Variants in RP1 observed in about 807,000 individuals in gnomAD.
RP1 encodes the protein RP1 axonemal microtubule associated.
Under a neutral mutation model 14.8 loss-of-function variants are expected in RP1, and 16 were observed. The ratio of observed to expected loss-of-function variants is 1.08; its 90% confidence interval spans 0.73 to 1.65. RP1 has a LOEUF of 1.65. Among genes scored for constraint, RP1 ranks in the 40% most tolerant of loss-of-function variants. The pLI, the probability that RP1 is intolerant of heterozygous loss-of-function variation, is 0.00. For missense variants in RP1, 2,631 were observed against 2,535.0 expected (o/e 1.04, Z -0.81); for synonymous variants, 876 against 883.6 (o/e 0.99, Z 0.15).
intron 17 of RP1, among the ~76,000 whole-genome samples, chr8:54,734,383 G>A (rs1039230016): frequency 6.6e-6 from 1 of 152,144 alleles, no homozygotes; most frequent in African/African-American, 2.4e-5. Context: ...GCTGTGAGGA[G>A]ACAAGCGCAA....
At chr8:54,776,607 C>G (rs912147629) in intron 23 of RP1, among the ~76,000 whole-genome samples, 1 of 152,158 alleles carries the variant, frequency 6.6e-6, no homozygotes, top group Non-Finnish European at 1.5e-5. Context: ...GTCAAGTTTT[C>G]CATATAAGCC....
At chr8:54,739,626 C>G (rs886570434) in intron 19 of RP1, among the ~76,000 whole-genome samples, 1 of 150,800 alleles carries the variant, frequency 6.6e-6, no homozygotes, top group Admixed American at 6.6e-5. Context: ...CTCGGTGGTG[C>G]ATTTTTTTTT....
chr8:54,816,841 AC>A (rs1388817183), intron 24 of RP1, among the ~76,000 whole-genome samples: 9 of 152,084 alleles, frequency 5.9e-5, no homozygotes, highest in Non-Finnish European at 1.0e-4. Flanking sequence ...CCAGGTCCCA[AC>A]AGCCCAGGGA....
At chr8:54,724,956 A>G (rs910423676) in intron 16 of RP1, among the ~76,000 whole-genome samples, 1 of 152,130 alleles carries the variant, frequency 6.6e-6, no homozygotes, top group Non-Finnish European at 1.5e-5. Flanking sequence ...GCTTGTTTCT[A>G]ATGGACTGGC....
At chr8:54,797,873 CTTTTTTTTTT>C (rs71254593) in intron 24 of RP1, among the ~76,000 whole-genome samples, 20 of 112,246 alleles carry the variant, frequency 1.8e-4, no homozygotes, top group East Asian at 7.6e-4. Context: ...GTTTCCCAAC[CTTTTTTTTTT>C]TTTTTTTTTT....
In RP1 at chr8:54,629,520, C is replaced by T. The variant is rs200764671; in HGVS notation, c.5638C>T (p.Pro1880Ser). The change falls in exon 4 of 4, where the codon CCT becomes TCT. Residue 1880 changes from proline to serine, a missense_variant. Physicochemically the swap from Pro to Ser is moderately conservative, Grantham distance 74 (BLOSUM62 -1). Coordinates refer to ENST00000220676, the MANE Select transcript of RP1 (RefSeq NM_006269.2). ...SFISAGNKVY[P>S]VSDDAIKNQP... ...TATTTCTGCTGGTAACAAAGTCTAC[C>T]CTGTCTCTGATGATGCTATTAAAAA... 6.2e-7 allele frequency: 1 copy of T among 1,613,992 alleles called. No individual in the cohort carries two copies. The highest frequency in any genetic ancestry group is 1.1e-5 in the South Asian group (1 of 91,076).
chr8:54,810,205 A>G (rs979183674), intron 24 of RP1, among the ~76,000 whole-genome samples: 1 of 152,210 alleles, frequency 6.6e-6, no homozygotes, highest in African/African-American at 2.4e-5. Context: ...AATGTTTCAA[A>G]ATGACTGGGG....
chr8:54,566,523 C>T (rs1416048403), intron 1 of RP1, among the ~76,000 whole-genome samples: 1 of 152,186 alleles, frequency 6.6e-6, no homozygotes, highest in Non-Finnish European at 1.5e-5. Context: ...CCTTCTCCCC[C>T]AGGAAGGAGT....
At chr8:54,667,068 C>T (rs892458839) in intron 7 of RP1, among the ~76,000 whole-genome samples, 10 of 151,998 alleles carry the variant, frequency 6.6e-5, no homozygotes, top group African/African-American at 9.7e-5. Flanking sequence ...GAGTCAGGAA[C>T]GGGAACTCCT....
chr8:54,700,245 T>C (rs1807979642), intron 13 of RP1, among the ~76,000 whole-genome samples: 1 of 151,954 alleles, frequency 6.6e-6, no homozygotes, highest in Non-Finnish European at 1.5e-5. Context: ...TCTTGCTCTG[T>C]TACCCAGGCT....
intron 7 of RP1, among the ~76,000 whole-genome samples, chr8:54,669,142 A>T (rs186018788): frequency 4.6e-4 from 70 of 152,326 alleles, no homozygotes; most frequent in African/African-American, 1.6e-3. Flanking sequence ...ACAAAAGGCT[A>T]ATACCCAGAA....
chr8:54,813,464 T>G (rs138624971), intron 24 of RP1, among the ~76,000 whole-genome samples: 1 of 152,194 alleles, frequency 6.6e-6, no homozygotes, highest in East Asian at 1.9e-4. Context: ...TGCCCAGAAA[T>G]AGGAGAGTAG....
chr8:54,599,462 CTT>C (rs34021495), intron 1 of RP1, among the ~76,000 whole-genome samples: 2,108 of 140,934 alleles, frequency 0.015, 41 homozygotes, highest in African/African-American at 0.043. Context: ...GACTGAAAGT[CTT>C]TTTTTTTTTT....
intron 4 of RP1, among the ~76,000 whole-genome samples, chr8:54,652,578 A>T (rs980870082): frequency 1.3e-5 from 2 of 151,984 alleles, no homozygotes; most frequent in Non-Finnish European, 2.9e-5. Flanking sequence ...CTATTATCAT[A>T]GAGTGTCTGT....
intron 3 of RP1, among the ~76,000 whole-genome samples, chr8:54,638,480 A>G (rs1000201415): frequency 5.3e-5 from 8 of 151,800 alleles, no homozygotes; most frequent in Middle Eastern, 3.2e-3. Context: ...TGTTTAATGG[A>G]TAAAAATTAT....
At chr8:54,745,028 G>A (rs189755121) in intron 19 of RP1, among the ~76,000 whole-genome samples, 9 of 152,228 alleles carry the variant, frequency 5.9e-5, no homozygotes, top group South Asian at 2.1e-4. Context: ...AATTGTACTC[G>A]TATTCAAAGT....
At chr8:54,577,947 CT>C (rs11377826) in intron 1 of RP1, among the ~76,000 whole-genome samples, 30,710 of 150,332 alleles carry the variant, frequency 0.2, 3,554 homozygotes, top group East Asian at 0.36. Flanking sequence ...CAAACATTTT[CT>C]TTTTTTTTTA....
At chr8:54,766,770 G>T (rs956097995) in intron 22 of RP1, among the ~76,000 whole-genome samples, 3 of 152,128 alleles carry the variant, frequency 2.0e-5, no homozygotes, top group Non-Finnish European at 2.9e-5. Context: ...CAGAATTTTT[G>T]CCCCTGTCTT....
chr8:54,773,962 T>C (rs1317429431), downstream of RP1, among the ~76,000 whole-genome samples: 1 of 152,206 alleles, frequency 6.6e-6, no homozygotes, highest in Non-Finnish European at 1.5e-5. Flanking sequence ...CTCAGTTCTG[T>C]TACCTATACA....
Sources: allele counts gnomAD v4.1 joint callset (sites outside exome capture counted in the v4.1 genomes callset), GRCh38; gene constraint gnomAD v4.1.1; transcripts MANE v1.5; gene names NCBI Gene and HGNC (gene_info 2026-07-23, HGNC 2026-07-21).